The following CPEB1 variants were observed in gnomAD, a reference collection of about 807,000 sequenced individuals.
CPEB1 encodes the protein cytoplasmic polyadenylation element binding protein 1.
A neutral mutation model predicts 65.8 loss-of-function variants in CPEB1; 7 were observed. The observed-to-expected ratio is 0.11, with a 90% CI of 0.06 to 0.20. The LOEUF is 0.20. Among genes scored for constraint, CPEB1 ranks in the 10% least tolerant of loss-of-function variants. The pLI, the probability that CPEB1 is intolerant of heterozygous loss-of-function variation, is 1.00. For synonymous variants in CPEB1, 262 were observed against 260.0 expected, an observed-to-expected ratio of 1.01 and a Z score of -0.08; for missense variants, 551 against 712.2, an observed-to-expected ratio of 0.77 and a Z score of 2.58.
intron 1 of CPEB1, among the ~76,000 whole-genome samples, chr15:82,646,385 A>AGCCAGGGAGACCAAGGGAAGCGGTT: frequency 1.3e-5 from 2 of 152,284 alleles, no homozygotes; most frequent in African/African-American, 2.4e-5. Flanking sequence ...GCTGGGCGGT[A>AGCCAGGGAGACCAAGGGAAGCGGTT]GCCAGGGAGA....
At chr15:82,561,508 C>T (rs2038193848) in intron 4 of CPEB1, among the ~76,000 whole-genome samples, 1 of 152,110 alleles carries the variant, frequency 6.6e-6, no homozygotes, top group Non-Finnish European at 1.5e-5. Flanking sequence ...GGGGATGCTG[C>T]CCCAAAGGCT....
At chr15:82,606,347 C>G (rs954676312) in intron 3 of CPEB1, among the ~76,000 whole-genome samples, 1 of 151,652 alleles carries the variant, frequency 6.6e-6, no homozygotes, top group East Asian at 2.0e-4. Context: ...TGATGGGTAC[C>G]TGGTATCCCA....
At chr15:82,614,082 G>C (rs953592120) in intron 3 of CPEB1, among the ~76,000 whole-genome samples, 1 of 152,088 alleles carries the variant, frequency 6.6e-6, no homozygotes, top group African/African-American at 2.4e-5. Flanking sequence ...CCCTACCCTG[G>C]GACGGCCCCA....
At chr15:82,585,286 G>A (rs1463448880) in intron 3 of CPEB1, among the ~76,000 whole-genome samples, 1 of 152,026 alleles carries the variant, frequency 6.6e-6, no homozygotes, top group Admixed American at 6.6e-5. Flanking sequence ...TCTACGTTTG[G>A]AAACTAGACC....
chr15:82,623,184 G>A (rs529390004), intron 3 of CPEB1, among the ~76,000 whole-genome samples: 1 of 152,312 alleles, frequency 6.6e-6, no homozygotes, highest in South Asian at 2.1e-4. Context: ...TTCAAATGCT[G>A]CTTTAACCAG....
At chr15:82,568,958 A>G (rs972428590) in intron 4 of CPEB1, among the ~76,000 whole-genome samples, 2 of 152,218 alleles carry the variant, frequency 1.3e-5, no homozygotes, top group Non-Finnish European at 2.9e-5. Flanking sequence ...CTTGGGCAAT[A>G]TATCACCAAG....
chr15:82,640,915 A>C (rs2047053868), intron 1 of CPEB1: 1 of 152,160 alleles, frequency 6.6e-6, no homozygotes, highest in South Asian at 2.1e-4. Context: ...AAAAAAAAAA[A>C]AAAGGAAGCC....
chr15:82,580,263 G>A (rs12441668), intron 3 of CPEB1, among the ~76,000 whole-genome samples: 11,970 of 150,806 alleles, frequency 0.079, 709 homozygotes, highest in African/African-American at 0.16. Flanking sequence ...GGAGGTTGCA[G>A]TGAGCTGAGA....
Position 82,563,322 on chromosome 15 carries a change from T to A in CPEB1, c.461-5336A>T, listed in dbSNP as rs146445390. On this transcript the variant is annotated intron_variant, in intron 4 of 12. Coordinates refer to ENST00000684509, the MANE Select transcript of CPEB1 (RefSeq NM_001365242.1). ...TTAAATTGACTAAAGTTAACTGTTT[T>A]GTTACATATGAATGTATGTAAGATC... Among the ~76,000 whole-genome samples, 5 of 152,022 alleles carry A rather than the reference T, an allele frequency of 3.3e-5. No homozygotes were observed. The East Asian group carries it at 9.7e-4, about 29-fold the overall frequency.
intron 3 of CPEB1, chr15:82,583,403 G>A (rs1466086859): frequency 6.6e-6 from 1 of 152,166 alleles, no homozygotes; most frequent in South Asian, 2.1e-4. Flanking sequence ...GGGGTCTGCA[G>A]AAGTTCCTTA....
intron 4 of CPEB1, among the ~76,000 whole-genome samples, chr15:82,568,917 A>G (rs530335746): frequency 1.3e-5 from 2 of 152,342 alleles, no homozygotes; most frequent in South Asian, 2.1e-4. Flanking sequence ...TAAGAGTGGT[A>G]GAAGATGGTC....
intron 9 of CPEB1, among the ~76,000 whole-genome samples, chr15:82,551,339 C>T (rs1377954650): frequency 1.3e-5 from 2 of 152,092 alleles, no homozygotes; most frequent in African/African-American, 2.4e-5. Context: ...ACTCTCTGCC[C>T]CCACACTTGC....
chr15:82,568,021 C>T (rs899330112), intron 4 of CPEB1, among the ~76,000 whole-genome samples: 1 of 152,156 alleles, frequency 6.6e-6, no homozygotes, highest in Non-Finnish European at 1.5e-5. Context: ...TGAATAGCCC[C>T]TATAGTAGTA....
In CPEB1 at chr15:82,544,620, C is replaced by T; in HGVS notation, c.1739G>A (p.Arg580Gln). The change falls in exon 13 of 13, where the codon CGG (arginine) becomes CAG (glutamine). Residue 580 changes from arginine (R) to glutamine (Q), a missense_variant. Physicochemically the swap from Arg to Gln is conservative, Grantham distance 43. This residue lies in a region of CPEB1 where 98 missense variants were observed against 157.6 expected (regional missense o/e 0.62). Transcript: ENST00000684509. Reference protein sequence around the residue: ...EGLRHHSPLMRNQKNRDSS With the variant: ...EGLRHHSPLMQNQKNRDSS Reference sequence around the variant, plus strand: ...GCTGGAATCTCGGTTCTTCTGGTTCCGCATCAGGGGGCTGTGGTGGCGCAG... The same window carrying T: ...GCTGGAATCTCGGTTCTTCTGGTTCTGCATCAGGGGGCTGTGGTGGCGCAG... The T allele has an allele frequency of 1.2e-6, 2 of 1,613,100 alleles. No individual in the cohort carries two copies. Among genetic ancestry groups the T allele is most frequent in the South Asian group, 1.1e-5 (1 of 90,996 alleles).
At chr15:82,633,432 G>C (rs1358905234) in intron 1 of CPEB1, among the ~76,000 whole-genome samples, 2 of 152,218 alleles carry the variant, frequency 1.3e-5, no homozygotes, top group Non-Finnish European at 2.9e-5. Context: ...GAGCGCAATG[G>C]CTCAATCTCC....
intron 3 of CPEB1, chr15:82,583,346 A>G (rs1261877020): frequency 4.6e-5 from 7 of 152,190 alleles, no homozygotes. Context: ...TAGTATAACC[A>G]AAACACAATG....
At chr15:82,546,620 C>T (rs929801024) in intron 11 of CPEB1, 99 bp from the exon 12 acceptor site, 28 of 861,004 alleles carry the variant, frequency 3.3e-5, no homozygotes, top group African/African-American at 1.2e-4. Flanking sequence ...CACAGGAATG[C>T]GGGATATTGG....
Position 82,544,661 on chromosome 15 carries a change from C to T in CPEB1, c.1698G>A (p.Arg566=). ...KYFCRSCWHW[R]HSMEGLRHHS... ...GGTGGCGCAGGCCCTCCATGCTGTGCCGCCAGTGCCAGCAGCTCCGGCAGA... is the reference window on the plus strand; with the variant it reads ...GGTGGCGCAGGCCCTCCATGCTGTGTCGCCAGTGCCAGCAGCTCCGGCAGA... The change falls in exon 13 of 13, where the codon CGG becomes CGA. Residue 566 remains arginine, a synonymous_variant. Transcript: ENST00000684509. 1 of 1,613,420 alleles carries T rather than the reference C, an allele frequency of 6.2e-7. No individual in the cohort carries two copies. The highest frequency in any genetic ancestry group is 8.5e-7 in the Non-Finnish European group (1 of 1,179,834).
Position 82,629,726 on chromosome 15 carries a change from T to C in CPEB1, c.-97-1170A>G, listed in dbSNP as rs552146678. ...ACAAAAACAGACCAAGTAATGAAAC[T>C]GGCACTTAATATCTCATAAGCTGGT... On this transcript the variant is annotated intron_variant, in intron 1 of 12. Transcript: ENST00000684509. 1.4e-4 allele frequency: 134 copies of C among 985,430 alleles called. No homozygotes were observed. In the African/African-American group the frequency reaches 2.1e-3, roughly 15 times the overall value. 61.0% of individuals were successfully genotyped at this position (985,430 alleles called of 1,614,324 possible).
Sources: allele counts gnomAD v4.1 joint callset (sites outside exome capture counted in the v4.1 genomes callset), GRCh38; gene constraint gnomAD v4.1.1; regional missense constraint gnomAD v4.1.1; transcripts MANE v1.5; gene names NCBI Gene and HGNC (gene_info 2026-07-23, HGNC 2026-07-21).